The following CCDC14 variants were observed in gnomAD, a reference collection of about 807,000 sequenced individuals.
The protein encoded by CCDC14 is coiled-coil domain containing 14.
Under a neutral mutation model 81.4 loss-of-function variants are expected in CCDC14, and 71 were observed. The ratio of observed to expected loss-of-function variants is 0.87; its 90% CI spans 0.72 to 1.06. The LOEUF is 1.06. Among genes scored for constraint, CCDC14 ranks in the 50% least tolerant of loss-of-function variants. CCDC14 has a pLI of 0.00. For missense variants in CCDC14, 1,046 were observed against 1,047.3 expected, an observed-to-expected ratio of 1.00 and a Z score of 0.02; for synonymous variants, 332 against 364.8, an observed-to-expected ratio of 0.91 and a Z score of 1.03.
intron 1 of CCDC14, chr3:123,957,202 C>G (rs888311291): frequency 6.6e-6 from 1 of 152,076 alleles, no homozygotes; most frequent in African/African-American, 2.4e-5. Context: ...TAAAAATACA[C>G]AATTATAATT....
intron 5 of CCDC14, among the ~76,000 whole-genome samples, chr3:123,906,942 A>G (rs2034325447): frequency 1.3e-5 from 2 of 152,094 alleles, no homozygotes; most frequent in Admixed American, 1.3e-4. Flanking sequence ...CTCCTGCTTC[A>G]TCTCCTCCTG....
chr3:123,886,410 T>C, the CCDC14 span, among the ~76,000 whole-genome samples: 3 of 150,084 alleles, frequency 2.0e-5, no homozygotes, highest in African/African-American at 7.3e-5. Flanking sequence ...CTTTCTTTCT[T>C]TTCTTTCAGA....
At chr3:123,908,726 C>T (rs1424828607), downstream of CCDC14, among the ~76,000 whole-genome samples, 1 of 152,012 alleles carries the variant, frequency 6.6e-6, no homozygotes, top group Non-Finnish European at 1.5e-5. Context: ...GATTTGTAGA[C>T]TGGTTGGGAT....
chr3:123,947,583 T>C (rs2036725054), intron 7 of CCDC14, among the ~76,000 whole-genome samples: 1 of 152,182 alleles, frequency 6.6e-6, no homozygotes, highest in Non-Finnish European at 1.5e-5. Context: ...CAAAAACTTT[T>C]TGTATGTTTA....
downstream of CCDC14, among the ~76,000 whole-genome samples, chr3:123,910,809 T>A (rs2034427714): frequency 1.3e-5 from 2 of 152,282 alleles, no homozygotes; most frequent in South Asian, 4.1e-4. Context: ...TAGGTGATCA[T>A]CTGCAGAGAT....
In CCDC14 at chr3:123,915,712, T is replaced by A. The variant is rs2034642961; in HGVS notation, c.1785A>T (p.Leu595Phe). ...AGAGAAGCTTTGCCATGCTAGTCTG[T>A]AAAGTTCTGTTAAGAAGAATCCAGA... ...VTRLRELTRT[L>F]QTSMAKLLSD... Residue 595 changes from leucine (L) to phenylalanine (F), a missense_variant, in exon 13 of 13, where the codon TTA becomes TTT. Physicochemically the swap from Leu to Phe is conservative, Grantham distance 22. Transcript: ENST00000409697. The A allele has an allele frequency of 6.2e-7, 1 of 1,603,788 alleles. No individual in the cohort carries two copies. Among genetic ancestry groups the A allele is most frequent in the Non-Finnish European group, 8.5e-7 (1 of 1,175,642 alleles).
At chr3:123,952,194 A>G (rs1376818447) in intron 5 of CCDC14, among the ~76,000 whole-genome samples, 3 of 152,190 alleles carry the variant, frequency 2.0e-5, no homozygotes. Flanking sequence ...TCAGTCCACA[A>G]AACTTTTTCA....
At chr3:123,955,819 A>G in intron 5 of CCDC14, 24 bp downstream of exon 5, 1 of 1,472,876 alleles carries the variant, frequency 6.8e-7, no homozygotes, top group East Asian at 2.5e-5. Context: ...TTATCTTTAA[A>G]TAACTAAGAG....
At position 123,914,999 on chromosome 3, in the gene CCDC14, T is replaced by C; in HGVS notation, c.2498A>G (p.His833Arg). 6.2e-7 allele frequency: 1 copy of C among 1,614,044 alleles called. No individual in the cohort carries two copies. Among genetic ancestry groups the C allele is most frequent in the Non-Finnish European group, 8.5e-7 (1 of 1,179,886 alleles). ...TKEPEEQTAC[H>R]GPSGCLSNSL... is the part of the protein sequence containing the mutation. ...GTTGCTAAGACAACCTGATGGGCCATGACATGCAGTTTGTTCCTCTGGCTC... is the reference window on the plus strand; with the variant it reads ...GTTGCTAAGACAACCTGATGGGCCACGACATGCAGTTTGTTCCTCTGGCTC... The change falls in exon 13 of 13, where the codon CAT becomes CGT. Residue 833 changes from histidine (H) to arginine (R), a missense_variant. His to Arg is a conservative substitution (Grantham distance 29, BLOSUM62 0). Coordinates refer to ENST00000409697, the MANE Select transcript of CCDC14 (RefSeq NM_001366335.1).
chr3:123,946,930 G>C lies in CCDC14; in HGVS notation c.1074C>G (p.Asn358Lys), dbSNP rs565183186. The change falls in exon 8 of 13, where the codon AAC becomes AAG. Residue 358 changes from asparagine (N) to lysine (K), a missense_variant. Transcript: ENST00000409697. ...REATSERKDL[N>K]IHVRDTKTVK... ...CTGTTTTTGTATCTCGCACATGTATGTTTAAATCCTTTCTTTCACTTGTGG... is the reference window on the plus strand; with the variant it reads ...CTGTTTTTGTATCTCGCACATGTATCTTTAAATCCTTTCTTTCACTTGTGG... The C allele has an allele frequency of 1.2e-6, 2 of 1,613,910 alleles. No individual in the cohort carries two copies. Among genetic ancestry groups the C allele is most frequent in the Admixed American group, 1.7e-5 (1 of 60,014 alleles).
At chr3:123,896,464 C>T (rs1183137840), downstream of CCDC14, among the ~76,000 whole-genome samples, 1 of 152,148 alleles carries the variant, frequency 6.6e-6, no homozygotes, top group African/African-American at 2.4e-5. Flanking sequence ...AATTATTCAA[C>T]CTCAAAAAGA....
chr3:123,960,022 G>A (rs1377324138), intron 1 of CCDC14, among the ~76,000 whole-genome samples: 1 of 152,010 alleles, frequency 6.6e-6, no homozygotes, highest in Non-Finnish European at 1.5e-5. Context: ...GGATTAAAAA[G>A]AAAATTATTT....
At chr3:123,939,558 A>T (rs2036243308) in intron 9 of CCDC14, among the ~76,000 whole-genome samples, 1 of 150,284 alleles carries the variant, frequency 6.7e-6, no homozygotes, top group African/African-American at 2.4e-5. Context: ...TATTGTCTTT[A>T]ATCCATTTGT....
chr3:123,951,173 T>C (rs898582774), intron 5 of CCDC14, among the ~76,000 whole-genome samples: 7 of 151,942 alleles, frequency 4.6e-5, no homozygotes, highest in Non-Finnish European at 8.8e-5. Context: ...ATAATGCCTA[T>C]TTTATAAGAT....
In CCDC14 at chr3:123,943,879, T is replaced by C. The variant is rs192558876; in HGVS notation, c.1343+970A>G. On this transcript the variant is annotated intron_variant, in intron 9 of 12. Coordinates refer to ENST00000409697, the MANE Select transcript of CCDC14 (RefSeq NM_001366335.1). ...ATCTCTTCATCTGTATCCTTTATAA[T>C]ATCCTTTATAATAAAGTGGTAAACT... 1.2e-4 allele frequency among the ~76,000 whole-genome samples: 18 copies of C among 152,310 alleles called. No individual in the cohort carries two copies. In the East Asian group the frequency reaches 2.1e-3, roughly 18 times the overall value.
chr3:123,948,559 T>C (rs1038974161), intron 7 of CCDC14, 132 bp downstream of exon 7: 9 of 816,414 alleles, frequency 1.1e-5, no homozygotes, highest in Non-Finnish European at 1.7e-5. Flanking sequence ...GTAAAACTTT[T>C]ATAGCAAAAA....
At chr3:123,923,913 G>C (rs1577244501) in intron 12 of CCDC14, among the ~76,000 whole-genome samples, 1 of 150,312 alleles carries the variant, frequency 6.7e-6, no homozygotes, top group East Asian at 1.9e-4. Flanking sequence ...CAAAATTCCA[G>C]TGTCATTTTT....
intron 1 of CCDC14, among the ~76,000 whole-genome samples, 179 bp downstream of exon 1, chr3:123,960,965 G>C (rs2037648382): frequency 6.6e-6 from 1 of 152,180 alleles, no homozygotes; most frequent in Non-Finnish European, 1.5e-5. Context: ...AACATCTAGA[G>C]ACCGAGCGGC....
In CCDC14 at chr3:123,913,723, G is replaced by A. The variant is rs542253249; in HGVS notation, c.*1056C>T. 1 of 984,210 alleles carries A rather than the reference G, an allele frequency of 1.0e-6. No homozygotes were observed. The highest frequency in any genetic ancestry group is 1.2e-6 in the Non-Finnish European group (1 of 829,764). The allele number at this position is 984,210 out of a possible 1,614,324, so 61.0% of individuals were successfully genotyped here. ...AACAAAAAACACGAGGAGGTTCTGG[G>A]ATTAGGAGAACACTCTTTAATGATA... is the stretch of plus-strand genomic sequence containing the variant. On this transcript the variant is annotated 3_prime_UTR_variant, in exon 13 of 13. Transcript: ENST00000409697.
Sources: allele counts gnomAD v4.1 joint callset (sites outside exome capture counted in the v4.1 genomes callset), GRCh38; gene constraint gnomAD v4.1.1; transcripts MANE v1.5; gene names NCBI Gene and HGNC (gene_info 2026-07-23, HGNC 2026-07-21).